The following ST3GAL1 variants were observed in gnomAD, a reference collection of about 807,000 sequenced individuals.
ST3GAL1 encodes the protein CMP-N-acetylneuraminate-beta-galactosamide-alpha-2,3-sialyltransferase 1.
Under a neutral mutation model 34.1 loss-of-function variants are expected in ST3GAL1, and 16 were observed. That is an observed-to-expected ratio of 0.47 (90% CI 0.32 to 0.71). The LOEUF (loss-of-function observed/expected upper bound fraction) is 0.71. Ranked by LOEUF, ST3GAL1 falls within the 30% of genes least tolerant of loss-of-function variation. The probability of loss-of-function intolerance (pLI) is 0.04; values close to 1 mark genes in which losing one functional copy is unlikely to be tolerated. For synonymous variants in ST3GAL1, 191 were observed against 184.7 expected, an observed-to-expected ratio of 1.03 and a Z score of -0.28; for missense variants, 353 against 447.4, an observed-to-expected ratio of 0.79 and a Z score of 1.90.
rs1819558853 is a variant in ST3GAL1 at position 133,571,236 on chromosome 8, G to A, written c.-582+457C>T. Among the ~76,000 whole-genome samples, 1 of 152,230 alleles carries A rather than the reference G, an allele frequency of 6.6e-6. No homozygotes were observed. Among genetic ancestry groups the A allele is most frequent in the Non-Finnish European group, 1.5e-5 (1 of 68,034 alleles). ...ACCCCAAATCCGCTCGAGAGCGCCT[G>A]AGCCCGGCCACCCAGCGAGGTCTCC... On this transcript the variant is annotated intron_variant, in intron 1 of 9. Coordinates refer to ENST00000522652, the MANE Select transcript of ST3GAL1 (RefSeq NM_173344.3). The surrounding 1 kb of genome is among the most constrained non-coding windows in gnomAD (Gnocchi z 6.7).
intron 2 of ST3GAL1, among the ~76,000 whole-genome samples, chr8:133,518,485 A>C (rs1817708380): frequency 6.6e-6 from 1 of 152,334 alleles, no homozygotes; most frequent in East Asian, 1.9e-4. Flanking sequence ...GGGTTGGAAA[A>C]GACTTTTAAA....
chr8:133,470,453 T>A (rs1586590672), intron 5 of ST3GAL1, among the ~76,000 whole-genome samples: 1 of 151,802 alleles, frequency 6.6e-6, no homozygotes, highest in Non-Finnish European at 1.5e-5. Flanking sequence ...GCTACTGATA[T>A]GAACACAGGA....
At chr8:133,547,018 A>AAAAAAAAAAAAAAAAAG (rs5895197) in intron 1 of ST3GAL1, among the ~76,000 whole-genome samples, 1 of 147,758 alleles carries the variant, frequency 6.8e-6, no homozygotes. Flanking sequence ...AAAAAAAAAA[A>AAAAAAAAAAAAAAAAAG]AAGACTTCAT....
chr8:133,494,348 T>C (rs544897355), intron 3 of ST3GAL1, among the ~76,000 whole-genome samples: 1 of 152,304 alleles, frequency 6.6e-6, no homozygotes, highest in South Asian at 2.1e-4. Context: ...TGAGTTATCA[T>C]TCCCCTTCAA....
chr8:133,497,528 G>T (rs900052168), intron 3 of ST3GAL1, among the ~76,000 whole-genome samples: 2 of 142,466 alleles, frequency 1.4e-5, no homozygotes, highest in African/African-American at 2.6e-5. Flanking sequence ...TGGAGTGCAC[G>T]GGCGCAATCT....
intron 2 of ST3GAL1, among the ~76,000 whole-genome samples, chr8:133,541,082 C>CATATATAT (rs1172519181): frequency 4.9e-4 from 24 of 48,704 alleles, no homozygotes; most frequent in African/African-American, 1.4e-3. Flanking sequence ...TATATATAGA[C>CATATATAT]ATATATATAT....
At chr8:133,488,572 T>G (rs1166552293) in intron 3 of ST3GAL1, 2 of 152,226 alleles carry the variant, frequency 1.3e-5, no homozygotes, top group Non-Finnish European at 2.9e-5. Context: ...GTTCCGAAAG[T>G]TGAATCTCTT....
At chr8:133,475,060 A>G (rs1206314506) in intron 5 of ST3GAL1, among the ~76,000 whole-genome samples, 1 of 152,198 alleles carries the variant, frequency 6.6e-6, no homozygotes, top group East Asian at 1.9e-4. Context: ...CTGTGGGTGA[A>G]ATTGTTGAGG....
chr8:133,462,281 G>A (rs924569838), intron 8 of ST3GAL1, among the ~76,000 whole-genome samples: 1 of 152,184 alleles, frequency 6.6e-6, no homozygotes, highest in Non-Finnish European at 1.5e-5. Context: ...AAAATCCAAG[G>A]AGGCCAGGGA....
In ST3GAL1 at chr8:133,458,606, T is replaced by C. The variant is rs1003176325; in HGVS notation, c.*1158A>G. ...GGTGTTGAGTATCCTCAGAGCTTCG[T>C]TGCAATTCAGGTGCTGGCTCAGGAA... On this transcript the variant is annotated 3_prime_UTR_variant, in exon 10 of 10. Coordinates refer to ENST00000522652, the MANE Select transcript of ST3GAL1 (RefSeq NM_173344.3). The C allele has an allele frequency of 6.6e-6, 1 of 152,258 alleles. No homozygotes were observed. Among genetic ancestry groups the C allele is most frequent in the Non-Finnish European group, 1.5e-5 (1 of 68,080 alleles). 9.4% of individuals were successfully genotyped at this position (152,258 alleles called of 1,614,324 possible).
chr8:133,495,404 T>C (rs557854301), intron 3 of ST3GAL1, among the ~76,000 whole-genome samples: 4 of 152,356 alleles, frequency 2.6e-5, no homozygotes, highest in African/African-American at 7.2e-5. Context: ...CCCCATCTTA[T>C]AGAAGAGGAA....
intron 2 of ST3GAL1, among the ~76,000 whole-genome samples, chr8:133,518,306 A>G (rs1817703519): frequency 6.6e-6 from 1 of 152,202 alleles, no homozygotes; most frequent in Non-Finnish European, 1.5e-5. Context: ...AACAAAGATG[A>G]CAGCCTCCAA....
intron 2 of ST3GAL1, among the ~76,000 whole-genome samples, chr8:133,501,097 C>A (rs565744732): frequency 6.6e-6 from 1 of 152,250 alleles, no homozygotes; most frequent in African/African-American, 2.4e-5. Context: ...AAACAAACAG[C>A]CTCAGACATC....
chr8:133,555,722 G>A (rs565442256), intron 1 of ST3GAL1, among the ~76,000 whole-genome samples: 3 of 152,244 alleles, frequency 2.0e-5, no homozygotes, highest in African/African-American at 4.8e-5. Context: ...AGGAGTCGGC[G>A]GGTGCCTGGC....
chr8:133,491,336 C>G (rs1344939649), intron 3 of ST3GAL1, among the ~76,000 whole-genome samples: 1 of 151,988 alleles, frequency 6.6e-6, no homozygotes, highest in African/African-American at 2.4e-5. Context: ...TTGCACTATG[C>G]GCGCACCCAG....
At chr8:133,562,335 G>A (rs139173892) in intron 1 of ST3GAL1, among the ~76,000 whole-genome samples, 3 of 150,978 alleles carry the variant, frequency 2.0e-5, no homozygotes, top group South Asian at 2.1e-4. Context: ...TCAGCCTCCC[G>A]AGTAGCTGGG....
rs796546302 is a variant in ST3GAL1 at position 133,556,084 on chromosome 8, C to T, written c.-581-10158G>A. 1.6e-4 allele frequency among the ~76,000 whole-genome samples: 24 copies of T among 152,140 alleles called. No individual in the cohort carries two copies. The highest frequency in any genetic ancestry group is 4.3e-4 in the African/African-American group (18 of 41,484). On this transcript the variant is annotated intron_variant, in intron 1 of 9. Transcript: ENST00000522652. This position sits in a 1 kb window ranked among gnomAD's most constrained non-coding sequence, Gnocchi z 8.9. Reference sequence around the variant, plus strand: ...GATTTTTTTTGTATTTTAGTAGAGACGGGGTTTCATCATGTTGCCCAGGCT... The same window carrying T: ...GATTTTTTTTGTATTTTAGTAGAGATGGGGTTTCATCATGTTGCCCAGGCT...
At chr8:133,497,456 ATTTTTTTTTTT>A (rs1159737986) in intron 3 of ST3GAL1, among the ~76,000 whole-genome samples, 9 of 20,432 alleles carry the variant, frequency 4.4e-4, no homozygotes, top group Non-Finnish European at 5.6e-4. Flanking sequence ...TTTTGTTGGA[ATTTTTTTTTTT>A]TTTTTTTTTT....
intron 9 of ST3GAL1, among the ~76,000 whole-genome samples, chr8:133,460,419 T>C (rs1178976543): frequency 6.6e-6 from 1 of 152,076 alleles, no homozygotes. Context: ...GGAAAATGGG[T>C]CCAAGAATCA....
Sources: gnomAD v4.1 joint callset for allele counts (sites outside exome capture counted in the v4.1 genomes callset) on GRCh38, gnomAD v4.1.1 for gene constraint, Gnocchi (gnomAD v3.1) non-coding constraint, MANE v1.5 for transcripts, NCBI Gene and HGNC (gene_info 2026-07-23, HGNC 2026-07-21) for gene names.